ARID1B: variants seen among roughly 807,000 people sequenced by gnomAD.
ARID1B encodes the protein AT-rich interaction domain 1B.
Under a neutral mutation model 212.3 loss-of-function variants are expected in ARID1B, and 30 were observed. The ratio of observed to expected loss-of-function variants is 0.14; its 90% CI spans 0.11 to 0.19. The LOEUF is 0.19. Among genes scored for constraint, ARID1B ranks in the 10% least tolerant of loss-of-function variants. The pLI is 1.00. For synonymous variants in ARID1B, 1,402 were observed against 1,301.7 expected (o/e 1.08, Z -1.66); for missense variants, 2,891 against 3,204.0 (o/e 0.90, Z 2.36).
At chr6:156,829,531 T>G (rs1782997849) in intron 2 of ARID1B, 110 bp downstream of exon 2, 1 of 1,191,082 alleles carries the variant, frequency 8.4e-7, no homozygotes, top group Non-Finnish European at 1.1e-6. Context: ...TGCACGGATT[T>G]TCTGCTTTAA....
chr6:156,991,262 T>G (rs2087473), intron 4 of ARID1B, among the ~76,000 whole-genome samples: 40,988 of 152,040 alleles, frequency 0.27, 6,698 homozygotes, highest in African/African-American at 0.45. Context: ...ACGGAGTTTC[T>G]CTCTGTCGCC....
rs183233046 is a variant in ARID1B, at chr6:156,801,257, G to T, written c.1791+21786G>T. ...GCTCTGTTGCCCACTCTGGAGTGCA[G>T]TGGTGCAATCTCGGCTCACTGCAAC... On this transcript the variant is annotated intron_variant, in intron 1 of 19. Coordinates refer to ENST00000636930, the MANE Select transcript of ARID1B (RefSeq NM_001374828.1). Among the ~76,000 whole-genome samples, 489 of 144,942 alleles carry T rather than the reference G, an allele frequency of 3.4e-3. 1 individual carries two copies. Among genetic ancestry groups the T allele is most frequent in the African/African-American group, 0.012 (463 of 38,348 alleles).
intron 4 of ARID1B, among the ~76,000 whole-genome samples, chr6:156,947,713 A>G (rs981423875): frequency 6.6e-6 from 1 of 152,012 alleles, no homozygotes. Flanking sequence ...ACTCCAGGAA[A>G]TGACAAAGAA....
chr6:157,088,580 C>T (rs1351138496), intron 5 of ARID1B, among the ~76,000 whole-genome samples: 1 of 152,144 alleles, frequency 6.6e-6, no homozygotes, highest in Non-Finnish European at 1.5e-5. Context: ...AGTTATCCAG[C>T]GTGCATTATG....
chr6:157,088,226 T>C (rs894446584), intron 5 of ARID1B, among the ~76,000 whole-genome samples: 4 of 152,116 alleles, frequency 2.6e-5, no homozygotes, highest in African/African-American at 9.7e-5. Context: ...GGGGCACCAT[T>C]TTCTCATTCA....
At chr6:156,895,808 T>C (rs940461248) in intron 2 of ARID1B, among the ~76,000 whole-genome samples, 1 of 152,210 alleles carries the variant, frequency 6.6e-6, no homozygotes, top group East Asian at 1.9e-4. Context: ...CCCTATTTGC[T>C]TCACATCTTT....
chr6:156,959,803 C>T (rs1794235189), intron 4 of ARID1B, among the ~76,000 whole-genome samples: 1 of 152,072 alleles, frequency 6.6e-6, no homozygotes, highest in Non-Finnish European at 1.5e-5. Context: ...CCCCTGCTGC[C>T]TTTCGATCCG....
intron 4 of ARID1B, among the ~76,000 whole-genome samples, chr6:157,031,022 A>G (rs970065118): frequency 1.2e-4 from 18 of 151,856 alleles, no homozygotes; most frequent in African/African-American, 4.4e-4. Context: ...AGGAGAATTA[A>G]TAAGTAAAAG....
At chr6:156,859,073 T>A (rs1312883309) in intron 2 of ARID1B, among the ~76,000 whole-genome samples, 1 of 152,222 alleles carries the variant, frequency 6.6e-6, no homozygotes, top group African/African-American at 2.4e-5. Flanking sequence ...GTGATTACCA[T>A]GTCACTGTTT....
At chr6:157,198,244 A>G (rs1444963150) in intron 16 of ARID1B, among the ~76,000 whole-genome samples, 3 of 152,222 alleles carry the variant, frequency 2.0e-5, no homozygotes, top group Non-Finnish European at 4.4e-5. Flanking sequence ...GGACTGTGAA[A>G]TTCTGAGCAC....
At chr6:157,026,292 C>T (rs1271841479) in intron 4 of ARID1B, among the ~76,000 whole-genome samples, 1 of 152,166 alleles carries the variant, frequency 6.6e-6, no homozygotes, top group Non-Finnish European at 1.5e-5. Flanking sequence ...TTTTCTTTTT[C>T]CAGACAATAC....
intron 4 of ARID1B, among the ~76,000 whole-genome samples, chr6:157,053,454 C>G (rs1200751921): frequency 6.6e-6 from 1 of 152,190 alleles, no homozygotes; most frequent in Non-Finnish European, 1.5e-5. Flanking sequence ...GCTGTCTTGA[C>G]TGGTTTCTCT....
intron 4 of ARID1B, among the ~76,000 whole-genome samples, chr6:156,981,800 C>T (rs1305947272): frequency 2.6e-5 from 4 of 152,124 alleles, no homozygotes; most frequent in African/African-American, 7.2e-5. Context: ...TTCATTACCT[C>T]GTTTTTTTTT....
Position 157,207,107 on chromosome 6 carries a change from A to C in ARID1B, c.6335A>C (p.Lys2112Thr), listed in dbSNP as rs775265871. The C allele has an allele frequency of 1.9e-6, 3 of 1,614,064 alleles. No individual in the cohort carries two copies. Reference sequence around the variant, plus strand: ...CTTCACCACGAGCATCCAGAGAGAAAGCGAGCACCGCAGACCTATGAGAAA... The same window carrying C: ...CTTCACCACGAGCATCCAGAGAGAACGCGAGCACCGCAGACCTATGAGAAA... Reference protein sequence around the residue: ...ILLHHEHPERKRAPQTYEKEE... With the variant: ...ILLHHEHPERTRAPQTYEKEE... The change falls in exon 20 of 20, where the codon AAG becomes ACG. Residue 2112 changes from lysine (K) to threonine (T), a missense_variant. Coordinates refer to ENST00000636930, the MANE Select transcript of ARID1B (RefSeq NM_001374828.1). The surrounding 1 kb of genome is among the most constrained non-coding windows in gnomAD (Gnocchi z 8.5).
intron 4 of ARID1B, among the ~76,000 whole-genome samples, chr6:156,945,157 G>A (rs1454695860): frequency 7.9e-6 from 1 of 127,170 alleles, no homozygotes; most frequent in Admixed American, 8.6e-5. Flanking sequence ...GGATGGTCTT[G>A]ATCTCCTGAC....
At position 157,207,961 on chromosome 6, in the gene ARID1B, T is replaced by C; in HGVS notation, c.*70T>C. On this transcript the variant is annotated 3_prime_UTR_variant, in exon 20 of 20. Coordinates refer to ENST00000636930, the MANE Select transcript of ARID1B (RefSeq NM_001374828.1). This position sits in a 1 kb window ranked among gnomAD's most constrained non-coding sequence, Gnocchi z 8.5. ...ACATATAACTGGCTGTTTTCTGTTC[T>C]TGTTTATCCAGCGTAGGAAGAAGGA... is the stretch of plus-strand genomic sequence containing the variant. 7.1e-7 allele frequency: 1 copy of C among 1,403,006 alleles called. No individual in the cohort carries two copies. Among genetic ancestry groups the C allele is most frequent in the Non-Finnish European group, 9.3e-7 (1 of 1,074,228 alleles). The allele number at this position is 1,403,006 out of a possible 1,614,324, so 86.9% of individuals were successfully genotyped here.
At chr6:157,174,738 A>G (rs751050955) in intron 10 of ARID1B, 109 bp from the exon 11 acceptor site, 3 of 293,824 alleles carry the variant, frequency 1.0e-5, no homozygotes, top group Non-Finnish European at 1.8e-5. Context: ...ATATATATAT[A>G]TAATATATAT....
At chr6:156,954,056 T>G (rs1003549932) in intron 4 of ARID1B, among the ~76,000 whole-genome samples, 1 of 152,232 alleles carries the variant, frequency 6.6e-6, no homozygotes, top group Non-Finnish European at 1.5e-5. Flanking sequence ...CTTGTAACAT[T>G]TTATAGGCTT....
intron 3 of ARID1B, among the ~76,000 whole-genome samples, chr6:156,904,439 C>G (rs564842354): frequency 7.2e-5 from 11 of 152,306 alleles, no homozygotes; most frequent in Middle Eastern, 3.4e-3. Flanking sequence ...ACAATGATGC[C>G]ATGCTAAACT....
Sources: allele counts gnomAD v4.1 joint callset (sites outside exome capture counted in the v4.1 genomes callset), GRCh38; gene constraint gnomAD v4.1.1; non-coding constraint Gnocchi (gnomAD v3.1); transcripts MANE v1.5; gene names NCBI Gene and HGNC (gene_info 2026-07-23, HGNC 2026-07-21).